SPTBN1: variants seen among roughly 807,000 people sequenced by gnomAD.
SPTBN1 encodes spectrin beta, non-erythrocytic 1.
Under a neutral mutation model 266.4 loss-of-function variants are expected in SPTBN1, and 32 were observed. The observed-to-expected ratio is 0.12, with a 90% CI of 0.09 to 0.16. The LOEUF is 0.16. Among genes scored for constraint, SPTBN1 ranks in the 10% least tolerant of loss-of-function variants. The pLI is 1.00. For synonymous variants in SPTBN1, 1,336 were observed against 1,162.2 expected (o/e 1.15, Z -3.04); for missense variants, 2,296 against 3,067.1 (o/e 0.75, Z 5.94).
At chr2:54,487,205 T>C (rs1321215680) in intron 1 of SPTBN1, among the ~76,000 whole-genome samples, 1 of 149,744 alleles carries the variant, frequency 6.7e-6, no homozygotes, top group Admixed American at 6.7e-5. Flanking sequence ...CTTTTTAACT[T>C]TTTCAAAAAT....
At position 54,668,998 on chromosome 2, in the gene SPTBN1, C is replaced by T. The variant is rs950900951; in HGVS notation, c.*429C>T. ...CATTTACTTCTGGTGGTTACCCTGACTCTTGACTCTTAGAAGTGCCCGAGA... is the reference window on the plus strand; with the variant it reads ...CATTTACTTCTGGTGGTTACCCTGATTCTTGACTCTTAGAAGTGCCCGAGA... On this transcript the variant is annotated 3_prime_UTR_variant, in exon 36 of 36. Transcript: ENST00000356805. 1 of 208,976 alleles carries T rather than the reference C, an allele frequency of 4.8e-6. No individual in the cohort carries two copies. The highest frequency in any genetic ancestry group is 9.8e-6 in the Non-Finnish European group (1 of 102,398). The allele number at this position is 208,976 out of a possible 1,614,324, so 12.9% of individuals were successfully genotyped here. A position where few individuals can be genotyped will look rare whatever the true frequency, so the allele number is the denominator to read the frequency against.
At chr2:54,571,482 C>T (rs977832809) in intron 2 of SPTBN1, among the ~76,000 whole-genome samples, 6 of 152,042 alleles carry the variant, frequency 3.9e-5, no homozygotes, top group Non-Finnish European at 8.8e-5. Context: ...CAGTCCCAGG[C>T]ACACTGGGTG....
chr2:54,626,477 A>G lies in SPTBN1; in HGVS notation c.1644+243A>G, dbSNP rs774619354. Among the ~76,000 whole-genome samples, 8 of 152,232 alleles carry G rather than the reference A, an allele frequency of 5.3e-5. 1 individual carries two copies. In the South Asian group the frequency reaches 1.0e-3, roughly 20 times the overall value. On this transcript the variant is annotated intron_variant, in intron 12 of 35. Coordinates refer to ENST00000356805, the MANE Select transcript of SPTBN1 (RefSeq NM_003128.3). The surrounding 1 kb of genome is among the most constrained non-coding windows in gnomAD (Gnocchi z 4.7). ...AGAGCTCTGTTTCTGTGACTTAGAT[A>G]TATTCCAGTGTAGGGAATCAATCAC...
chr2:54,638,789 TG>T (rs141293593), intron 18 of SPTBN1, among the ~76,000 whole-genome samples: 5,839 of 152,212 alleles, frequency 0.038, 148 homozygotes, highest in Admixed American at 0.086. Context: ...GCTAAGAGTA[TG>T]GGGGTAGAAT....
At chr2:54,523,688 GTTTA>G (rs1300446230) in intron 1 of SPTBN1, among the ~76,000 whole-genome samples, 1 of 152,186 alleles carries the variant, frequency 6.6e-6, no homozygotes, top group African/African-American at 2.4e-5. Context: ...ATATGGGTTT[GTTTA>G]TTTTTTGTGT....
At chr2:54,487,819 T>A (rs996446318) in intron 1 of SPTBN1, among the ~76,000 whole-genome samples, 4 of 135,552 alleles carry the variant, frequency 3.0e-5, no homozygotes, top group African/African-American at 1.2e-4. Context: ...CACTTGATGG[T>A]CTCCTCCTGT....
At chr2:54,586,951 C>G (rs1457904202) in intron 2 of SPTBN1, among the ~76,000 whole-genome samples, 1 of 152,104 alleles carries the variant, frequency 6.6e-6, no homozygotes, top group African/African-American at 2.4e-5. Flanking sequence ...CTATTTTTCC[C>G]TCTTTGCCCT....
rs141332583 is a variant in SPTBN1, at chr2:54,631,581, G to C, written c.3534G>C (p.Thr1178=). ...CCTACCAGCAGTTCCTCAGAGACAC[G>C]AAGCAAGCCGAAGCCTTTCTTAACA... The part of the protein sequence containing the change: ...SHAYQQFLRD[T]KQAEAFLNNQ... Residue 1178 remains threonine (T), a synonymous_variant, in exon 16 of 36, where the codon ACG becomes ACC. Coordinates refer to ENST00000356805, the MANE Select transcript of SPTBN1 (RefSeq NM_003128.3). 1.9e-5 allele frequency: 31 copies of C among 1,612,776 alleles called. 1 individual carries two copies. The South Asian group carries it at 3.3e-4, about 17-fold the overall frequency.
chr2:54,575,085 C>T (rs901479483), intron 2 of SPTBN1, among the ~76,000 whole-genome samples: 1 of 152,160 alleles, frequency 6.6e-6, no homozygotes, highest in Admixed American at 6.5e-5. Context: ...GCGTGTGCTT[C>T]GTCTAAATAG....
chr2:54,627,234 T>C (rs755382940), intron 12 of SPTBN1, among the ~76,000 whole-genome samples: 12 of 152,220 alleles, frequency 7.9e-5, no homozygotes, highest in African/African-American at 1.2e-4. Flanking sequence ...TGGTCTCTCT[T>C]GACCTCTCAA....
intron 1 of SPTBN1, among the ~76,000 whole-genome samples, chr2:54,524,525 C>T (rs1437900688): frequency 6.6e-6 from 1 of 152,184 alleles, no homozygotes; most frequent in Non-Finnish European, 1.5e-5. Context: ...CTTAACCATC[C>T]CCGCTTCTCC....
intron 1 of SPTBN1, among the ~76,000 whole-genome samples, chr2:54,460,868 G>T (rs1435281451): frequency 6.6e-6 from 1 of 152,166 alleles, no homozygotes; most frequent in Non-Finnish European, 1.5e-5. Flanking sequence ...GGGCATGGTG[G>T]CAGGCATCTG....
Position 54,540,656 on chromosome 2 carries a change from T to C in SPTBN1, c.148+14090T>C, listed in dbSNP as rs1671880091. 1 of 152,184 alleles carries C rather than the reference T, an allele frequency of 6.6e-6. No homozygotes were observed. The allele number at this position is 152,184 out of a possible 1,614,324, so 9.4% of individuals were successfully genotyped here. A position where few individuals can be genotyped will look rare whatever the true frequency, so the allele number is the denominator to read the frequency against. ...GTAGAGGGCATCTCTAAAGAAACTA[T>C]CTCCCCAAGGTTGGCCTGCAGTTTG... On this transcript the variant is annotated intron_variant, in intron 2 of 35. Transcript: ENST00000356805. This position sits in a 1 kb window ranked among gnomAD's most constrained non-coding sequence, Gnocchi z 5.6.
chr2:54,582,210 G>A (rs1674966484), intron 2 of SPTBN1, among the ~76,000 whole-genome samples: 1 of 152,136 alleles, frequency 6.6e-6, no homozygotes, highest in Non-Finnish European at 1.5e-5. Context: ...TCAGCTTCCA[G>A]GGTCTAAGAA....
At chr2:54,468,891 A>G (rs1478455370) in intron 1 of SPTBN1, among the ~76,000 whole-genome samples, 4 of 152,206 alleles carry the variant, frequency 2.6e-5, no homozygotes, top group African/African-American at 9.6e-5. Context: ...TACCTATCCC[A>G]TAATGTGTCG....
At chr2:54,640,284 G>T (rs10166797) in intron 18 of SPTBN1, among the ~76,000 whole-genome samples, 13,405 of 152,108 alleles carry the variant, frequency 0.088, 782 homozygotes, top group African/African-American at 0.16. Context: ...TACTATTACA[G>T]GATGTTGGTA....
chr2:54,660,205 A>G (rs946842410), intron 32 of SPTBN1: 32 of 1,442,414 alleles, frequency 2.2e-5, no homozygotes, highest in Non-Finnish European at 9.1e-6. Context: ...CCTTGGTTTC[A>G]TATTTGTTTG....
chr2:54,600,383 G>A (rs780657597), intron 3 of SPTBN1, among the ~76,000 whole-genome samples: 12 of 152,154 alleles, frequency 7.9e-5, no homozygotes, highest in Admixed American at 1.3e-4. Context: ...TCCTGAGCAT[G>A]TAGGTCTTGT....
intron 1 of SPTBN1, among the ~76,000 whole-genome samples, chr2:54,522,260 A>C (rs1441935763): frequency 1.3e-5 from 2 of 152,144 alleles, no homozygotes; most frequent in Non-Finnish European, 2.9e-5. Context: ...TTAAGAAAGA[A>C]CATTAGGAAA....
Sources: allele counts gnomAD v4.1 joint callset (sites outside exome capture counted in the v4.1 genomes callset), GRCh38; gene constraint gnomAD v4.1.1; non-coding constraint Gnocchi (gnomAD v3.1); transcripts MANE v1.5; gene names NCBI Gene and HGNC (gene_info 2026-07-23, HGNC 2026-07-21).